SERPINI2: variants seen among roughly 807,000 people sequenced by gnomAD.
SERPINI2 encodes serpin family I member 2.
SERPINI2 carries 48 observed loss-of-function variants against 47.3 expected under a neutral mutation model. The observed-to-expected ratio is 1.02, with a 90% CI of 0.81 to 1.29. The LOEUF is 1.29. Ranked by LOEUF, SERPINI2 falls within the 50% of genes most tolerant of loss-of-function variation. SERPINI2 has a pLI of 0.00. For synonymous variants in SERPINI2, 135 were observed against 149.3 expected, an observed-to-expected ratio of 0.90 and a Z score of 0.70; for missense variants, 448 against 456.9, an observed-to-expected ratio of 0.98 and a Z score of 0.18.
chr3:167,449,126 CT>C (rs148932798), intron 7 of SERPINI2, among the ~76,000 whole-genome samples, 189 bp downstream of exon 7: 3,713 of 152,272 alleles, frequency 0.024, 83 homozygotes, highest in East Asian at 0.093. Context: ...CCTTCCCTTC[CT>C]TTTTGTATCA....
chr3:167,447,200 A>G (rs1413497512), intron 7 of SERPINI2, among the ~76,000 whole-genome samples: 1 of 152,104 alleles, frequency 6.6e-6, no homozygotes. Flanking sequence ...TTATTTTCAG[A>G]CCCCAGGAAA....
chr3:167,453,456 A>C (rs1454497489), intron 5 of SERPINI2, among the ~76,000 whole-genome samples: 1 of 152,204 alleles, frequency 6.6e-6, no homozygotes, highest in Admixed American at 6.5e-5. Flanking sequence ...AGGAGTCCAC[A>C]GTCCTTGGAG....
intron 2 of SERPINI2, among the ~76,000 whole-genome samples, chr3:167,470,438 C>T (rs1204641164): frequency 6.6e-6 from 1 of 151,622 alleles, no homozygotes; most frequent in Non-Finnish European, 1.5e-5. Flanking sequence ...AACTAAATTC[C>T]CAAATCAAAA....
intron 6 of SERPINI2, among the ~76,000 whole-genome samples, chr3:167,450,281 GT>G (rs1749606556): frequency 6.6e-6 from 1 of 152,140 alleles, no homozygotes. Context: ...GCTTTACAAC[GT>G]TTTGTTCTGG....
At chr3:167,457,978 G>T (rs1749850182) in intron 5 of SERPINI2, among the ~76,000 whole-genome samples, 1 of 152,160 alleles carries the variant, frequency 6.6e-6, no homozygotes, top group Non-Finnish European at 1.5e-5. Flanking sequence ...TATCCAGGGT[G>T]AACAATTCTG....
intron 8 of SERPINI2, among the ~76,000 whole-genome samples, chr3:167,442,422 A>T (rs756439402): frequency 2.0e-5 from 3 of 152,134 alleles, no homozygotes; most frequent in Non-Finnish European, 2.9e-5. Flanking sequence ...GTCATGGAAA[A>T]AGCATTAATC....
intron 5 of SERPINI2, among the ~76,000 whole-genome samples, chr3:167,457,577 C>G (rs1304525363): frequency 6.6e-6 from 1 of 152,182 alleles, no homozygotes; most frequent in Non-Finnish European, 1.5e-5. Flanking sequence ...AGGCTTTAGT[C>G]TTTCCCTCTT....
intron 6 of SERPINI2, among the ~76,000 whole-genome samples, chr3:167,451,879 G>A (rs1749650527): frequency 6.6e-6 from 1 of 152,196 alleles, no homozygotes; most frequent in African/African-American, 2.4e-5. Context: ...CACTTACAGA[G>A]CATCCTGTTG....
chr3:167,467,085 T>C (rs1750156078), exon 3 of SERPINI2: 2 of 1,611,798 alleles, frequency 1.2e-6, no homozygotes, highest in Non-Finnish European at 1.7e-6. Flanking sequence ...CAGGTACTTA[T>C]CATCTCTGCA....
chr3:167,450,833 A>G (rs1577168895), intron 6 of SERPINI2, among the ~76,000 whole-genome samples: 1 of 152,246 alleles, frequency 6.6e-6, no homozygotes, highest in East Asian at 1.9e-4. Flanking sequence ...CACCAGCCCA[A>G]ATGACTCCCT....
intron 8 of SERPINI2, 120 bp from the exon 9 acceptor site, chr3:167,442,305 G>A: frequency 1.6e-6 from 1 of 625,730 alleles, no homozygotes; most frequent in Non-Finnish European, 2.6e-6. Context: ...AAGATAAATA[G>A]GCAGTGTCTA....
At chr3:167,443,833 T>C (rs9874384) in intron 8 of SERPINI2, among the ~76,000 whole-genome samples, 91,507 of 151,978 alleles carry the variant, frequency 0.6, 29,841 homozygotes, top group African/African-American at 0.88. Context: ...TCAATCTACT[T>C]ACTACTAAAT....
intron 5 of SERPINI2, among the ~76,000 whole-genome samples, chr3:167,459,844 C>T (rs1225977348): frequency 6.6e-6 from 1 of 152,128 alleles, no homozygotes; most frequent in African/African-American, 2.4e-5. Flanking sequence ...TGTCACCTTA[C>T]TTGGAAATAG....
intron 5 of SERPINI2, among the ~76,000 whole-genome samples, chr3:167,453,825 C>G (rs75646822): frequency 6.1e-4 from 93 of 151,576 alleles, no homozygotes; most frequent in African/African-American, 2.1e-3. Flanking sequence ...TGATCTTCCA[C>G]GATTCCAAGT....
chr3:167,447,696 G>A (rs1264546747), intron 7 of SERPINI2, among the ~76,000 whole-genome samples: 2 of 152,148 alleles, frequency 1.3e-5, no homozygotes, highest in South Asian at 2.1e-4. Flanking sequence ...CCAATATAAT[G>A]AGATCAAACA....
chr3:167,443,342 C>T (rs1323752104), intron 8 of SERPINI2, among the ~76,000 whole-genome samples: 1 of 152,168 alleles, frequency 6.6e-6, no homozygotes, highest in Non-Finnish European at 1.5e-5. Flanking sequence ...CTCCTGACCT[C>T]GTGATCCTCC....
chr3:167,459,920 T>A (rs1026624610), intron 5 of SERPINI2, among the ~76,000 whole-genome samples: 20 of 152,080 alleles, frequency 1.3e-4, no homozygotes, highest in African/African-American at 4.6e-4. Context: ...CGAAGACAGA[T>A]GGCTACATGA....
chr3:167,467,818 T>A (rs1187967320), intron 2 of SERPINI2, among the ~76,000 whole-genome samples: 1 of 152,160 alleles, frequency 6.6e-6, no homozygotes, highest in Non-Finnish European at 1.5e-5. Flanking sequence ...TCTCTAGAGA[T>A]GCGTAAGAAT....
At chr3:167,465,353 G>A in exon 5 of SERPINI2, 1 of 1,610,298 alleles carries the variant, frequency 6.2e-7, no homozygotes, top group Non-Finnish European at 8.5e-7. Context: ...ACCTTTGTAA[G>A]ACAATTCTAA....
Sources: gnomAD v4.1 joint callset for allele counts (sites outside exome capture counted in the v4.1 genomes callset) on GRCh38, gnomAD v4.1.1 for gene constraint, MANE v1.5 for transcripts, NCBI Gene and HGNC (gene_info 2026-07-23, HGNC 2026-07-21) for gene names.